The following BBS4 variants were observed in gnomAD, a reference collection of about 807,000 sequenced individuals.
The protein encoded by BBS4 is BBSome complex member BBS4.
Under a neutral mutation model 71.4 loss-of-function variants are expected in BBS4, and 58 were observed. The observed-to-expected ratio is 0.81, with a 90% CI of 0.66 to 1.01. The LOEUF is 1.01. BBS4 is among the 50% of genes least tolerant of loss of function. The pLI, the probability that BBS4 is intolerant of heterozygous loss-of-function variation, is 0.00. For missense variants in BBS4, 660 were observed against 607.9 expected (o/e 1.09, Z -0.90); for synonymous variants, 228 against 216.8 (o/e 1.05, Z -0.46).
At chr15:72,723,574 G>C (rs1353546136) in intron 7 of BBS4, among the ~76,000 whole-genome samples, 1 of 152,146 alleles carries the variant, frequency 6.6e-6, no homozygotes, top group Non-Finnish European at 1.5e-5. Context: ...GAATTGGTTA[G>C]TACCCATTTG....
intron 1 of BBS4, among the ~76,000 whole-genome samples, chr15:72,689,873 C>T (rs1419901543): frequency 2.6e-5 from 4 of 151,914 alleles, no homozygotes; most frequent in Admixed American, 2.6e-4. Context: ...CGCAGTGGCG[C>T]GATCTCGGCT....
At chr15:72,700,405 G>T (rs775128149) in intron 2 of BBS4, among the ~76,000 whole-genome samples, 2 of 152,178 alleles carry the variant, frequency 1.3e-5, no homozygotes, top group Admixed American at 6.5e-5. Flanking sequence ...TTACCCGACC[G>T]CCAGCAACGT....
intron 8 of BBS4, among the ~76,000 whole-genome samples, chr15:72,727,495 G>A (rs2065725059): frequency 6.6e-6 from 1 of 152,008 alleles, no homozygotes; most frequent in Non-Finnish European, 1.5e-5. Context: ...CAGCATTAGG[G>A]GCCTTGGGAT....
chr15:72,731,673 G>A lies in BBS4; in HGVS notation c.983G>A (p.Ser328Asn), dbSNP rs775686450. 9.3e-6 allele frequency: 15 copies of A among 1,614,160 alleles called. No homozygotes were observed. The highest frequency in any genetic ancestry group is 1.2e-5 in the Non-Finnish European group (14 of 1,180,032). Residue 328 changes from serine (S) to asparagine (N), a missense_variant, in exon 12 of 16, where the codon AGT becomes AAT. Coordinates refer to ENST00000268057, the MANE Select transcript of BBS4 (RefSeq NM_033028.5). ...TATGCATCAGCTTTTCATTTTCTCAGTGCGGCCATCAACTTCCAGCCAAAG... is the reference window on the plus strand; with the variant it reads ...TATGCATCAGCTTTTCATTTTCTCAATGCGGCCATCAACTTCCAGCCAAAG... ...QQYASAFHFL[S>N]AAINFQPKMG...
intron 13 of BBS4, 110 bp from the exon 14 acceptor site, chr15:72,735,715 G>C: frequency 7.2e-7 from 1 of 1,388,384 alleles, no homozygotes; most frequent in Non-Finnish European, 1.0e-6. Context: ...CTGCATAATG[G>C]AGAAATCTCT....
At chr15:72,724,208 C>G (rs1380351058) in intron 7 of BBS4, among the ~76,000 whole-genome samples, 1 of 152,212 alleles carries the variant, frequency 6.6e-6, no homozygotes, top group Non-Finnish European at 1.5e-5. Context: ...GTGTAGTACT[C>G]TACACTGTAC....
chr15:72,730,235 C>T (rs572837135), intron 10 of BBS4, among the ~76,000 whole-genome samples: 22 of 150,210 alleles, frequency 1.5e-4, no homozygotes, highest in South Asian at 1.3e-3. Flanking sequence ...TGAGATCACG[C>T]GCCACTGCAC....
intron 6 of BBS4, among the ~76,000 whole-genome samples, chr15:72,721,260 G>A (rs1165033679): frequency 1.3e-5 from 2 of 152,118 alleles, no homozygotes; most frequent in Admixed American, 1.3e-4. Flanking sequence ...TTTTTCGAGT[G>A]TGACGATGTG....
Position 72,731,468 on chromosome 15 carries a change from C to T in BBS4, c.864+11C>T. On this transcript the variant is annotated intron_variant, in intron 11 of 15. Transcript: ENST00000268057. ...AAGAAATATGTGGCGGTGAGTGTCC[C>T]CTCATGTTCTTTGTTTGTATTTCTA... 6.2e-7 allele frequency: 1 copy of T among 1,614,100 alleles called. No homozygotes were observed. The highest frequency in any genetic ancestry group is 8.5e-7 in the Non-Finnish European group (1 of 1,180,032).
intron 15 of BBS4, 23 bp from the exon 16 acceptor site, chr15:72,737,455 T>A: frequency 1.9e-6 from 3 of 1,575,774 alleles, no homozygotes; most frequent in Non-Finnish European, 2.6e-6. Flanking sequence ...ACATGAGGAT[T>A]CAAGTTTTTA....
At chr15:72,687,453 A>G (rs2064879040) in intron 1 of BBS4, among the ~76,000 whole-genome samples, 1 of 151,404 alleles carries the variant, frequency 6.6e-6, no homozygotes, top group African/African-American at 2.4e-5. Flanking sequence ...AAAATACAAA[A>G]ATTAGCGGGG....
chr15:72,725,873 A>T (rs1237521193), intron 8 of BBS4, among the ~76,000 whole-genome samples: 76 of 408 alleles, frequency 0.19, 27 homozygotes, highest in South Asian at 0.25. Context: ...CCCTTTCCCC[A>T]TCCCCCTTTC....
At position 72,686,284 on chromosome 15, in the gene BBS4, C is replaced by T. The variant is rs142820012; in HGVS notation, c.24+33C>T. On this transcript the variant is annotated intron_variant, in intron 1 of 15. Transcript: ENST00000268057. ...CCGAGATTCTCTTTAGTTGCCCGGCCGCAGGGCAAGGCAAGCTGGCGGGTG... is the reference window on the plus strand; with the variant it reads ...CCGAGATTCTCTTTAGTTGCCCGGCTGCAGGGCAAGGCAAGCTGGCGGGTG... 434 of 1,558,974 alleles carry T rather than the reference C, an allele frequency of 2.8e-4. 2 individuals carry two copies. The African/African-American group carries it at 5.3e-3, about 19-fold the overall frequency.
At chr15:72,713,738 C>T (rs1251500127) in intron 4 of BBS4, among the ~76,000 whole-genome samples, 1 of 152,118 alleles carries the variant, frequency 6.6e-6, no homozygotes, top group East Asian at 1.9e-4. Context: ...ATGCATTGCA[C>T]TGTTTTGATT....
At chr15:72,729,161 C>CTTTTTTT (rs71137313) in intron 9 of BBS4, among the ~76,000 whole-genome samples, 3 of 70,036 alleles carry the variant, frequency 4.3e-5, no homozygotes, top group Admixed American at 2.0e-4. Context: ...ACTGTAGCTG[C>CTTTTTTT]TTTTTTTTTT....
rs142809859 is a variant in BBS4 at position 72,713,353 on chromosome 15, A to ACACG, written c.220+1058_220+1061dup. Among the ~76,000 whole-genome samples, 73 of 151,048 alleles carry ACACG rather than the reference A, an allele frequency of 4.8e-4. No homozygotes were observed. The South Asian group carries it at 6.7e-3, about 14-fold the overall frequency. ...CACACACACACACACACACACACGC[A>ACACG]CACGCACGCACGCACTGGTCTAGGC... On this transcript the variant is annotated intron_variant, in intron 4 of 15. Transcript: ENST00000268057.
At position 72,686,245 on chromosome 15, in the gene BBS4, C is replaced by T. The variant is rs113994187; in HGVS notation, c.18C>T (p.Val6=). Residue 6 remains valine, a synonymous_variant, in exon 1 of 16, where the codon GTC becomes GTT. Transcript: ENST00000268057. MAEER[V]ATRTQFPVST... ...GAGCTAAAATGGCTGAGGAGAGAGT[C>T]GCGACGGTGAGCGCCGAGATTCTCT... 9 of 1,565,582 alleles carry T rather than the reference C, an allele frequency of 5.7e-6. No homozygotes were observed. Among genetic ancestry groups the T allele is most frequent in the African/African-American group, 1.4e-5 (1 of 73,874 alleles).
At chr15:72,708,344 C>T (rs1016891026) in intron 2 of BBS4, among the ~76,000 whole-genome samples, 1 of 152,130 alleles carries the variant, frequency 6.6e-6, no homozygotes, top group African/African-American at 2.4e-5. Flanking sequence ...CCGGCTGGAG[C>T]TGTGGCAGAG....
intron 2 of BBS4, among the ~76,000 whole-genome samples, chr15:72,699,276 C>T (rs768121511): frequency 3.4e-4 from 51 of 151,870 alleles, no homozygotes; most frequent in Non-Finnish European, 6.6e-4. Context: ...TTAGTAGAAA[C>T]GGGGTTTCAC....
Sources: gnomAD v4.1 joint callset for allele counts (sites outside exome capture counted in the v4.1 genomes callset) on GRCh38, gnomAD v4.1.1 for gene constraint, MANE v1.5 for transcripts, NCBI Gene and HGNC (gene_info 2026-07-23, HGNC 2026-07-21) for gene names.